EYS: variants seen among roughly 807,000 people sequenced by gnomAD.
EYS encodes EGF-like photoreceptor maintenance factor.
A neutral mutation model predicts 282.1 loss-of-function variants in EYS; 250 were observed. The ratio of observed to expected loss-of-function variants is 0.89; its 90% CI spans 0.80 to 0.98. EYS has a LOEUF of 0.98. EYS is among the 50% of genes least tolerant of loss of function. EYS has a pLI of 0.00. For missense variants in EYS, 4,016 were observed against 3,709.0 expected (o/e 1.08, Z -2.15); for synonymous variants, 1,355 against 1,282.9 (o/e 1.06, Z -1.20).
rs148830526 is a variant in EYS at position 64,530,822 on chromosome 6, A to G, written c.5644+59401T>C. Among the ~76,000 whole-genome samples the G allele has an allele frequency of 3.7e-3, 557 of 152,232 alleles. 5 individuals carry two copies. The highest frequency in any genetic ancestry group is 0.013 in the African/African-American group (524 of 41,550). On this transcript the variant is annotated intron_variant, in intron 26 of 42. Transcript: ENST00000503581. Reference sequence around the variant, plus strand: ...TTTTTTTTAAATTTTCTTCAAAATCAAGCAGAATTACAGCACACAGACTCC... The same window carrying G: ...TTTTTTTTAAATTTTCTTCAAAATCGAGCAGAATTACAGCACACAGACTCC...
chr6:64,933,396 C>T (rs1266990899), intron 15 of EYS, among the ~76,000 whole-genome samples: 1 of 152,066 alleles, frequency 6.6e-6, no homozygotes, highest in Non-Finnish European at 1.5e-5. Flanking sequence ...CTTATCATCA[C>T]CGGTCATTAG....
chr6:65,473,107 G>T (rs1388038931), intron 5 of EYS, among the ~76,000 whole-genome samples: 1 of 151,886 alleles, frequency 6.6e-6, no homozygotes, highest in East Asian at 1.9e-4. Flanking sequence ...ATTACATCAG[G>T]CTATCGGTAA....
At chr6:64,952,371 T>C (rs1002615665) in intron 14 of EYS, among the ~76,000 whole-genome samples, 2 of 152,030 alleles carry the variant, frequency 1.3e-5, no homozygotes, top group Non-Finnish European at 2.9e-5. Context: ...TGTTACTTAA[T>C]TTCAAGGCAC....
At chr6:63,803,402 C>T (rs774967472) in intron 37 of EYS, among the ~76,000 whole-genome samples, 1 of 152,016 alleles carries the variant, frequency 6.6e-6, no homozygotes, top group Non-Finnish European at 1.5e-5. Context: ...TGGAGAGAAG[C>T]TTTGTGGGTG....
intron 22 of EYS, among the ~76,000 whole-genome samples, chr6:64,680,631 G>C (rs1769864565): frequency 6.6e-6 from 1 of 152,176 alleles, no homozygotes; most frequent in African/African-American, 2.4e-5. Context: ...GTGTGACTAA[G>C]AGTTTACGGC....
intron 22 of EYS, among the ~76,000 whole-genome samples, chr6:64,803,847 G>A (rs1764340700): frequency 6.6e-6 from 1 of 152,228 alleles, no homozygotes; most frequent in African/African-American, 2.4e-5. Context: ...CAGGAGTGGG[G>A]AAGAGTCCAG....
At chr6:64,096,880 GT>G (rs2150256100) in intron 31 of EYS, among the ~76,000 whole-genome samples, 2 of 152,242 alleles carry the variant, frequency 1.3e-5, no homozygotes, top group South Asian at 4.1e-4. Flanking sequence ...CATCTTTGTG[GT>G]TTTATCTACC....
intron 22 of EYS, among the ~76,000 whole-genome samples, chr6:64,798,151 C>A (rs1477476181): frequency 6.6e-6 from 1 of 151,714 alleles, no homozygotes; most frequent in Non-Finnish European, 1.5e-5. Flanking sequence ...CCTACATATG[C>A]CTGCATAGTG....
chr6:65,086,091 T>A (rs1774362986), intron 12 of EYS, among the ~76,000 whole-genome samples: 1 of 151,752 alleles, frequency 6.6e-6, no homozygotes, highest in Non-Finnish European at 1.5e-5. Context: ...AATATGATAG[T>A]TTGAAATTAA....
chr6:65,109,270 T>C (rs1285407456), intron 12 of EYS, among the ~76,000 whole-genome samples: 1 of 152,106 alleles, frequency 6.6e-6, no homozygotes, highest in East Asian at 1.9e-4. Context: ...CTTGAACCTA[T>C]GCTATGTGTT....
chr6:64,328,266 CA>C (rs1266851963), intron 29 of EYS, among the ~76,000 whole-genome samples: 14 of 152,156 alleles, frequency 9.2e-5, no homozygotes, highest in African/African-American at 3.4e-4. Flanking sequence ...AGCTGCCTTC[CA>C]GTGGCTGGAG....
At chr6:64,644,985 T>A (rs1768299103) in intron 22 of EYS, among the ~76,000 whole-genome samples, 1 of 152,218 alleles carries the variant, frequency 6.6e-6, no homozygotes, top group Admixed American at 6.5e-5. Context: ...TATTGTTTTT[T>A]AAATCTCTAA....
intron 13 of EYS, among the ~76,000 whole-genome samples, chr6:65,007,519 A>C (rs1424706997): frequency 6.6e-6 from 1 of 152,144 alleles, no homozygotes; most frequent in African/African-American, 2.4e-5. Context: ...AATGGAGTGA[A>C]GTGCCATATG....
At chr6:64,622,632 AGTT>A (rs1327410157) in intron 23 of EYS, among the ~76,000 whole-genome samples, 4 of 152,160 alleles carry the variant, frequency 2.6e-5, no homozygotes, top group East Asian at 1.9e-4. Context: ...ACAACCATGG[AGTT>A]GTTGTTAGAT....
intron 29 of EYS, among the ~76,000 whole-genome samples, chr6:64,356,018 G>A (rs373426523): frequency 2.9e-4 from 44 of 151,654 alleles, no homozygotes; most frequent in Middle Eastern, 3.4e-3. Flanking sequence ...TTCCCTTTCT[G>A]CAAAAGCAGT....
chr6:64,879,008 T>A (rs1383307118), intron 19 of EYS, among the ~76,000 whole-genome samples: 1 of 152,158 alleles, frequency 6.6e-6, no homozygotes, highest in South Asian at 2.1e-4. Flanking sequence ...TTATAGAATT[T>A]CACTAAGGGT....
intron 12 of EYS, among the ~76,000 whole-genome samples, chr6:65,265,672 T>C (rs1196500724): frequency 6.6e-6 from 1 of 151,960 alleles, no homozygotes; most frequent in Non-Finnish European, 1.5e-5. Flanking sequence ...GATATAGAAC[T>C]ACTCAGAAAA....
chr6:64,563,304 T>A (rs12214420), intron 26 of EYS, among the ~76,000 whole-genome samples: 10 of 152,032 alleles, frequency 6.6e-5, no homozygotes, highest in Non-Finnish European at 1.2e-4. Flanking sequence ...AGAGAACTAG[T>A]TTACAGCGTT....
At chr6:64,486,747 G>T (rs1776588200) in intron 26 of EYS, among the ~76,000 whole-genome samples, 1 of 151,178 alleles carries the variant, frequency 6.6e-6, no homozygotes, top group South Asian at 2.1e-4. Context: ...AACCCTAAAG[G>T]GTCATCTAAT....
Sources: gnomAD v4.1 joint callset for allele counts (sites outside exome capture counted in the v4.1 genomes callset) on GRCh38, gnomAD v4.1.1 for gene constraint, MANE v1.5 for transcripts, NCBI Gene and HGNC (gene_info 2026-07-23, HGNC 2026-07-21) for gene names.